The following PRDM4 variants were observed in gnomAD, a reference collection of about 807,000 sequenced individuals.
PRDM4 encodes PR domain zinc finger protein 4.
A neutral mutation model predicts 62.3 loss-of-function variants in PRDM4; 38 were observed. That is an observed-to-expected ratio of 0.61 (90% CI 0.47 to 0.80). PRDM4 has a LOEUF of 0.80. PRDM4 is among the 30% of genes least tolerant of loss of function. PRDM4 has a pLI of 0.00. For synonymous variants in PRDM4, 339 were observed against 348.2 expected, an observed-to-expected ratio of 0.97 and a Z score of 0.30; for missense variants, 858 against 997.1, an observed-to-expected ratio of 0.86 and a Z score of 1.88.
At chr12:107,758,938 T>C (rs759769399) in intron 2 of PRDM4, among the ~76,000 whole-genome samples, 1 of 152,228 alleles carries the variant, frequency 6.6e-6, no homozygotes, top group Non-Finnish European at 1.5e-5. Context: ...GTACACCTTA[T>C]GAAGAACAGC....
At position 107,754,007 on chromosome 12, in the gene PRDM4, C is replaced by T; in HGVS notation, c.248G>A (p.Cys83Tyr). Residue 83 changes from cysteine (C) to tyrosine (Y), a missense_variant, in exon 4 of 12, where the codon TGT becomes TAT. Transcript: ENST00000228437. ...PMGIGDRGVM[C>Y]GLPERNYTLP... Reference sequence around the variant, plus strand: ...GGTGTAGTTTCTTTCAGGTAACCCACACATCACCCCTCGATCCCCAATACC... The same window carrying T: ...GGTGTAGTTTCTTTCAGGTAACCCATACATCACCCCTCGATCCCCAATACC... 6.2e-7 allele frequency: 1 copy of T among 1,614,054 alleles called. No homozygotes were observed. Among genetic ancestry groups the T allele is most frequent in the East Asian group, 2.2e-5 (1 of 44,884 alleles).
At chr12:107,735,739 C>G (rs1339748248) in intron 11 of PRDM4, among the ~76,000 whole-genome samples, 4 of 150,464 alleles carry the variant, frequency 2.7e-5, no homozygotes, top group Non-Finnish European at 5.9e-5. Context: ...TTAGAGATCA[C>G]ACAGACCAGG....
chr12:107,745,743 G>A (rs566462229), intron 6 of PRDM4, among the ~76,000 whole-genome samples: 11 of 152,264 alleles, frequency 7.2e-5, no homozygotes, highest in African/African-American at 2.6e-4. Flanking sequence ...CACCCAAACT[G>A]CAGCTAAAAG....
At chr12:107,753,337 G>C (rs1229361513) in intron 4 of PRDM4, among the ~76,000 whole-genome samples, 1 of 150,616 alleles carries the variant, frequency 6.6e-6, no homozygotes, top group Non-Finnish European at 1.5e-5. Flanking sequence ...TTCCAGTCCA[G>C]CCTGGGCAAA....
In PRDM4 at chr12:107,754,015, C is replaced by G; in HGVS notation, c.240G>C (p.Gly80=). The change falls in exon 4 of 12, where the codon GGG becomes GGC. Residue 80 remains glycine (G), a synonymous_variant. Transcript: ENST00000228437. ...LMLPMGIGDR[G]VMCGLPERNY... ...TTCTTTCAGGTAACCCACACATCAC[C>G]CCTCGATCCCCAATACCCATTGGTA... The G allele has an allele frequency of 6.2e-7, 1 of 1,613,728 alleles. No homozygotes were observed. Among genetic ancestry groups the G allele is most frequent in the Non-Finnish European group, 8.5e-7 (1 of 1,179,666 alleles).
At chr12:107,756,725 C>G in intron 3 of PRDM4, 107 bp downstream of exon 3, 6 of 1,346,090 alleles carry the variant, frequency 4.5e-6, no homozygotes, top group Non-Finnish European at 6.1e-6. Context: ...CTTACCTTCT[C>G]CCTTCTACCT....
chr12:107,753,859 G>A (rs1890978239), intron 4 of PRDM4, 65 bp downstream of exon 4: 15 of 1,453,484 alleles, frequency 1.0e-5, no homozygotes, highest in South Asian at 5.3e-5. Context: ...CATATCTTCA[G>A]GATAAAAGTT....
rs1322261745 is a variant in PRDM4, at chr12:107,744,566, T to C, written c.1372A>G (p.Lys458Glu). 4 of 1,613,616 alleles carry C rather than the reference T, an allele frequency of 2.5e-6. No individual in the cohort carries two copies. The highest frequency in any genetic ancestry group is 4.5e-5 in the East Asian group (2 of 44,880). Residue 458 changes from lysine (K) to glutamate (E), a missense_variant, in exon 7 of 12, where the codon AAG (lysine) becomes GAG (glutamate). Lys to Glu is a moderately conservative substitution (Grantham distance 56). Coordinates refer to ENST00000228437, the MANE Select transcript of PRDM4 (RefSeq NM_012406.4). ...ACCTTCCAGATATGGTTAACTGCCTTGTCTGTCCATTCTGCTACTTCCATG... is the reference window on the plus strand; with the variant it reads ...ACCTTCCAGATATGGTTAACTGCCTCGTCTGTCCATTCTGCTACTTCCATG... ...HSMEVAEWTD[K>E]AVNHIWKIYH... is the part of the protein sequence containing the mutation.
chr12:107,741,138 C>T lies in PRDM4; in HGVS notation c.1732G>A (p.Gly578Ser), dbSNP rs776307885. 1.2e-5 allele frequency: 20 copies of T among 1,613,944 alleles called. No individual in the cohort carries two copies. In the Admixed American group the frequency reaches 2.5e-4, roughly 20 times the overall value. ...HNHLPTQGHSGSHGPSHSKER... is the reference protein window; with the variant it reads ...HNHLPTQGHSSSHGPSHSKER... ...TTGCTGTGACTTGGCCCATGGCTGC[C>T]GCTATGTCCCTGGGTAGGAAGATGG... Residue 578 changes from glycine to serine, a missense_variant, in exon 10 of 12, where the codon GGC becomes AGC. Gly to Ser is a moderately conservative substitution (Grantham distance 56, BLOSUM62 0). Around this residue, in one of 3 missense-constraint regions of PRDM4, gnomAD observed 355 missense variants for 432.6 expected, o/e 0.82. Transcript: ENST00000228437.
At chr12:107,756,993 T>C (rs199745961) in intron 2 of PRDM4, 28 bp from the exon 3 acceptor site, 12 of 1,610,658 alleles carry the variant, frequency 7.5e-6, no homozygotes, top group Admixed American at 3.3e-5. Flanking sequence ...CAACTAGTTA[T>C]GCAAAAATTT....
In PRDM4 at chr12:107,734,239, C is replaced by A; in HGVS notation, c.2377G>T (p.Ala793Ser). Reference sequence around the variant, plus strand: ...TTATGTGCAGAAAGAGACTCATCCGCTGAATACACAGCACTGTTAATCCTA... The same window carrying A: ...TTATGTGCAGAAAGAGACTCATCCGATGAATACACAGCACTGTTAATCCTA... ...DCRINSAVYS[A>S]DESLSAHK The change falls in exon 12 of 12, where the codon GCG becomes TCG. Residue 793 changes from alanine (A) to serine (S), a missense_variant. Ala to Ser is a moderately conservative substitution (Grantham distance 99). Transcript: ENST00000228437. 6 of 1,610,714 alleles carry A rather than the reference C, an allele frequency of 3.7e-6. No individual in the cohort carries two copies. The South Asian group carries it at 5.5e-5, about 15-fold the overall frequency.
chr12:107,747,183 C>T (rs920639991), intron 5 of PRDM4, among the ~76,000 whole-genome samples: 4 of 152,104 alleles, frequency 2.6e-5, no homozygotes, highest in African/African-American at 4.8e-5. Flanking sequence ...CAATCAAGTA[C>T]ATTATCCCTT....
chr12:107,739,556 A>C lies in PRDM4; in HGVS notation c.1925-5T>G, dbSNP rs1890446372. On this transcript the variant is annotated splice_polypyrimidine_tract_variant and splice_region_variant and intron_variant, in intron 10 of 11. Coordinates refer to ENST00000228437, the MANE Select transcript of PRDM4 (RefSeq NM_012406.4). ...TACACCTGTAGTTCTTCTGACCTGC[A>C]ATCAGCCCAAAGTATTACACCGTGA... 1.2e-6 allele frequency: 2 copies of C among 1,612,180 alleles called. No individual in the cohort carries two copies. Among genetic ancestry groups the C allele is most frequent in the Admixed American group, 1.7e-5 (1 of 59,864 alleles).
chr12:107,744,710 G>C, intron 6 of PRDM4, 49 bp from the exon 7 acceptor site: 2 of 1,600,042 alleles, frequency 1.2e-6, no homozygotes, highest in Non-Finnish European at 8.6e-7. Context: ...TAAACAGCAA[G>C]ATACAGAAGA....
chr12:107,744,506 C>T, intron 7 of PRDM4, 37 bp downstream of exon 7: 1 of 1,590,086 alleles, frequency 6.3e-7, no homozygotes, highest in Non-Finnish European at 8.6e-7. Context: ...CTAAGAAAAA[C>T]AGCCAAAAGC....
chr12:107,735,660 C>T (rs541550546), intron 11 of PRDM4, among the ~76,000 whole-genome samples: 8 of 151,896 alleles, frequency 5.3e-5, no homozygotes, highest in African/African-American at 1.7e-4. Context: ...AAAATTAACC[C>T]GGTCAAAATG....
At chr12:107,760,281 C>A (rs1053449382) in intron 2 of PRDM4, among the ~76,000 whole-genome samples, 3 of 152,200 alleles carry the variant, frequency 2.0e-5, no homozygotes, top group African/African-American at 7.2e-5. Context: ...TGTCAACAAG[C>A]CAACAATAAA....
In PRDM4 at chr12:107,760,447, C is replaced by A. The variant is rs539174420; in HGVS notation, c.11+58G>T. On this transcript the variant is annotated intron_variant, in intron 2 of 11. Coordinates refer to ENST00000228437, the MANE Select transcript of PRDM4 (RefSeq NM_012406.4). The stretch of plus-strand genomic sequence containing the variant: ...AAAACAACGGCACTGACCCTGGACA[C>A]TCACTCGCCAGAGTTTCCAACGATG... The A allele has an allele frequency of 2.5e-6, 4 of 1,608,196 alleles. No homozygotes were observed. The Admixed American group carries it at 6.7e-5, about 27-fold the overall frequency.
chr12:107,746,159 G>C lies in PRDM4; in HGVS notation c.1276+116C>G, dbSNP rs371090406. 13 of 1,241,196 alleles carry C rather than the reference G, an allele frequency of 1.0e-5. No individual in the cohort carries two copies. In the African/African-American group the frequency reaches 1.4e-4, roughly 13 times the overall value. The allele number at this position is 1,241,196 out of a possible 1,614,324, so 76.9% of individuals were successfully genotyped here. The stretch of plus-strand genomic sequence containing the variant: ...TATTCCATAAAAGCATAAATCTTAA[G>C]CCATAAATTGACTTTTGGTCCAAAT... On this transcript the variant is annotated intron_variant, in intron 6 of 11. Transcript: ENST00000228437.
Sources: gnomAD v4.1 joint callset for allele counts (sites outside exome capture counted in the v4.1 genomes callset) on GRCh38, gnomAD v4.1.1 for gene constraint, gnomAD v4.1.1 regional missense constraint, MANE v1.5 for transcripts, NCBI Gene and HGNC (gene_info 2026-07-23, HGNC 2026-07-21) for gene names.